The following RNF20 variants were observed in gnomAD, a reference collection of about 807,000 sequenced individuals.
RNF20 encodes E3 ubiquitin-protein ligase BRE1A.
A neutral mutation model predicts 126.2 loss-of-function variants in RNF20; 84 were observed. That is an observed-to-expected ratio of 0.67 (90% CI 0.56 to 0.80). The LOEUF (loss-of-function observed/expected upper bound fraction) is 0.80, where lower values mean the gene tolerates loss of function less well. Ranked by LOEUF, RNF20 falls within the 30% of genes least tolerant of loss-of-function variation. The probability of loss-of-function intolerance (pLI) is 0.00; values close to 1 mark genes in which losing one functional copy is unlikely to be tolerated. For missense variants in RNF20, 869 were observed against 1,188.2 expected, an observed-to-expected ratio of 0.73 and a Z score of 3.95; for synonymous variants, 400 against 414.3, an observed-to-expected ratio of 0.97 and a Z score of 0.42.
At chr9:101,542,978 T>G (rs999458984) in intron 5 of RNF20, among the ~76,000 whole-genome samples, 5 of 152,200 alleles carry the variant, frequency 3.3e-5, no homozygotes, top group African/African-American at 1.2e-4. Context: ...TCCCCCTGAC[T>G]TAGACTGAAA....
At chr9:101,557,877 A>G (rs917833261) in intron 16 of RNF20, among the ~76,000 whole-genome samples, 1 of 152,048 alleles carries the variant, frequency 6.6e-6, no homozygotes, top group Non-Finnish European at 1.5e-5. Context: ...GTTAAAGTAT[A>G]TGTTTACTTG....
intron 2 of RNF20, among the ~76,000 whole-genome samples, chr9:101,536,937 A>T (rs906104228): frequency 1.3e-5 from 2 of 152,222 alleles, no homozygotes; most frequent in Admixed American, 6.5e-5. Flanking sequence ...CTCTTTCGCT[A>T]TAACTGCATC....
In RNF20 at chr9:101,552,668, TCTG is replaced by T; in HGVS notation, c.1819_1821del (p.Ala607del). The T allele has an allele frequency of 6.6e-7, 1 of 1,526,402 alleles. No homozygotes were observed. The highest frequency in any genetic ancestry group is 9.1e-7 in the Non-Finnish European group (1 of 1,100,428). The allele number at this position is 1,526,402 out of a possible 1,614,324, so 94.6% of individuals were successfully genotyped here. The stretch of plus-strand genomic sequence containing the variant: ...AAAAGAGTCAGAAAAAGAGAGAGAT[TCTG>T]CTAAGGATAAAGAGAAAGGCAAACA... On this transcript the variant is annotated inframe_deletion, in exon 13 of 20. Transcript: ENST00000389120.
intron 19 of RNF20, 113 bp from the exon 20 acceptor site, chr9:101,562,133 G>T (rs1364417208): frequency 1.8e-5 from 24 of 1,326,314 alleles, no homozygotes; most frequent in Non-Finnish European, 2.5e-5. Flanking sequence ...GGGGGGAAAT[G>T]ATGCTCTTTT....
intron 15 of RNF20, among the ~76,000 whole-genome samples, chr9:101,555,465 A>G (rs187195461): frequency 2.8e-4 from 42 of 152,224 alleles, no homozygotes; most frequent in African/African-American, 9.9e-4. Context: ...GGGAATTTTT[A>G]TTAAAATTCA....
chr9:101,558,197 C>CA (rs1452921598), intron 16 of RNF20, among the ~76,000 whole-genome samples: 1 of 151,990 alleles, frequency 6.6e-6, no homozygotes, highest in Admixed American at 6.6e-5. Flanking sequence ...TCCGCCAAGT[C>CA]ACCAAAGTTT....
chr9:101,559,253 T>C (rs1310163467), intron 16 of RNF20, among the ~76,000 whole-genome samples: 1 of 152,218 alleles, frequency 6.6e-6, no homozygotes, highest in Non-Finnish European at 1.5e-5. Flanking sequence ...TACATTGGTT[T>C]ACATGCCTAT....
At chr9:101,554,193 T>C in intron 14 of RNF20, 88 bp downstream of exon 14, 1 of 733,474 alleles carries the variant, frequency 1.4e-6, no homozygotes, top group Non-Finnish European at 2.3e-6. Context: ...ATAATTTCTT[T>C]CTTTATCTTT....
intron 6 of RNF20, among the ~76,000 whole-genome samples, chr9:101,545,505 T>C (rs1274185671): frequency 6.6e-6 from 1 of 152,222 alleles, no homozygotes; most frequent in African/African-American, 2.4e-5. Flanking sequence ...GTGATTATTC[T>C]GAGGGCACAT....
rs569294250 is a variant in RNF20, at chr9:101,533,862, C to G, written c.-79C>G. On this transcript the variant is annotated 5_prime_UTR_variant, in exon 1 of 20. Coordinates refer to ENST00000389120, the MANE Select transcript of RNF20 (RefSeq NM_019592.7). ...TGGCCCCGCCTCCCGGAAGTTCTGC[C>G]TTGTCTCCGCCGCGGGTCAGGGGTG... 1 of 152,846 alleles carries G rather than the reference C, an allele frequency of 6.5e-6. No individual in the cohort carries two copies. The highest frequency in any genetic ancestry group is 2.4e-5 in the African/African-American group (1 of 41,594). The allele number at this position is 152,846 out of a possible 1,614,324, so 9.5% of individuals were successfully genotyped here.
chr9:101,550,666 C>T lies in RNF20; in HGVS notation c.1153C>T (p.Gln385Ter), dbSNP rs1345786728. Residue 385 changes from glutamine to a stop codon, truncating the protein, a stop_gained, in exon 10 of 20, where the codon CAG becomes TAG. Transcript: ENST00000389120. LOFTEE classifies it high-confidence loss of function. ...VKETPEYRCMQSQFSVLYNES... is the reference protein window; with the variant it reads ...VKETPEYRCM ...GGAAACTCCAGAATATCGCTGCATG[C>T]AGTCACAGTTCTCCGTCTTGTATAA... 2 of 1,613,978 alleles carry T rather than the reference C, an allele frequency of 1.2e-6. No individual in the cohort carries two copies. The highest frequency in any genetic ancestry group is 1.3e-5 in the African/African-American group (1 of 74,914).
Position 101,562,348 on chromosome 9 carries a change from AC to A in RNF20, c.2857del (p.Arg953AlafsTer55). ...TGAGTGTGTGAAGACACGCTATGACACCCGCCAGCGCAAATGTCCCAAGTGT... is the reference window on the plus strand; with the variant it reads ...TGAGTGTGTGAAGACACGCTATGACACCGCCAGCGCAAATGTCCCAAGTGT... ...CFECVKTRYDTRQRKCPKCNA... is the reference protein window; with the variant it reads ...CFECVKTRYDXRQRKCPKCNA... On this transcript the variant is annotated frameshift_variant, in exon 20 of 20. Coordinates refer to ENST00000389120, the MANE Select transcript of RNF20 (RefSeq NM_019592.7). LOFTEE classifies it high-confidence loss of function. 2 of 1,613,308 alleles carry A rather than the reference AC, an allele frequency of 1.2e-6. No individual in the cohort carries two copies. The highest frequency in any genetic ancestry group is 1.7e-6 in the Non-Finnish European group (2 of 1,179,594).
chr9:101,548,178 T>C (rs556330739), intron 9 of RNF20, among the ~76,000 whole-genome samples: 1 of 152,292 alleles, frequency 6.6e-6, no homozygotes, highest in South Asian at 2.1e-4. Context: ...TGTGTATATG[T>C]GCAACAGCAT....
chr9:101,535,740 T>C (rs1827172642), intron 2 of RNF20, among the ~76,000 whole-genome samples, 188 bp downstream of exon 2: 1 of 152,244 alleles, frequency 6.6e-6, no homozygotes, highest in East Asian at 1.9e-4. Context: ...ATAGTTGTTC[T>C]TTGTTTTCAA....
At chr9:101,544,620 C>T (rs984649891) in intron 5 of RNF20, 147 bp from the exon 6 acceptor site, 12 of 541,856 alleles carry the variant, frequency 2.2e-5, no homozygotes, top group African/African-American at 1.9e-4. Context: ...GCAGGAGAAT[C>T]GGCTCGAACC....
In RNF20 at chr9:101,560,859, G is replaced by T; in HGVS notation, c.2441G>T (p.Ser814Ile). The change falls in exon 17 of 20, where the codon AGC (serine) becomes ATC (isoleucine). Residue 814 changes from serine (S) to isoleucine (I), a missense_variant. Around this residue, in one of 8 missense-constraint regions of RNF20, gnomAD observed 150 missense variants for 173.7 expected, o/e 0.86. Transcript: ENST00000389120. ...KLEEKEHLLQSNIGTGEKELG... is the reference protein window; with the variant it reads ...KLEEKEHLLQINIGTGEKELG... ...GAAGAGAAGGAGCATCTGTTACAGA[G>T]CAACATTGGCACAGGGGAGAAAGAG... 1 of 1,613,656 alleles carries T rather than the reference G, an allele frequency of 6.2e-7. No homozygotes were observed. Among genetic ancestry groups the T allele is most frequent in the Non-Finnish European group, 8.5e-7 (1 of 1,179,692 alleles).
chr9:101,540,650 G>A lies in RNF20; in HGVS notation c.445+13G>A, dbSNP rs1172762506. The A allele has an allele frequency of 6.2e-7, 1 of 1,613,886 alleles. No individual in the cohort carries two copies. The highest frequency in any genetic ancestry group is 8.5e-7 in the Non-Finnish European group (1 of 1,179,908). ...GACCGAGAGAGAGGCAAGTGTTCGT[G>A]ATGGATTCTATCACTGCATGCTATC... On this transcript the variant is annotated intron_variant, in intron 4 of 19. Coordinates refer to ENST00000389120, the MANE Select transcript of RNF20 (RefSeq NM_019592.7).
At chr9:101,546,785 CTA>C (rs1827354249) in intron 6 of RNF20, 33 bp from the exon 7 acceptor site, 4 of 1,607,598 alleles carry the variant, frequency 2.5e-6, no homozygotes, top group Non-Finnish European at 3.4e-6. Context: ...TCTTTTTTTG[CTA>C]TATGTTTCTG....
At position 101,540,187 on chromosome 9, in the gene RNF20, T is replaced by C. The variant is rs1827237035; in HGVS notation, c.130-16T>C. On this transcript the variant is annotated splice_polypyrimidine_tract_variant and intron_variant, in intron 2 of 19. Transcript: ENST00000389120. ...TATTTCTTTGTGGAGACTAATACGA[T>C]TGGTTTACTGGGCAGGAGGAACTAG... The C allele has an allele frequency of 6.2e-7, 1 of 1,611,342 alleles. No homozygotes were observed. Among genetic ancestry groups the C allele is most frequent in the South Asian group, 1.1e-5 (1 of 91,018 alleles).
Sources: gnomAD v4.1 joint callset for allele counts (sites outside exome capture counted in the v4.1 genomes callset) on GRCh38, gnomAD v4.1.1 for gene constraint, gnomAD v4.1.1 regional missense constraint, MANE v1.5 for transcripts, NCBI Gene and HGNC (gene_info 2026-07-23, HGNC 2026-07-21) for gene names.